The following PDK1 variants were observed in gnomAD, a reference collection of about 807,000 sequenced individuals.
PDK1 encodes [Pyruvate dehydrogenase (acetyl-transferring)] kinase isozyme 1, mitochondrial.
Under a neutral mutation model 54.2 loss-of-function variants are expected in PDK1, and 39 were observed. That is an observed-to-expected ratio of 0.72 (90% CI 0.56 to 0.94). The LOEUF is 0.94. Among genes scored for constraint, PDK1 ranks in the 40% least tolerant of loss-of-function variants. The pLI, the probability that PDK1 is intolerant of heterozygous loss-of-function variation, is 0.00. For synonymous variants in PDK1, 221 were observed against 207.1 expected (o/e 1.07, Z -0.58); for missense variants, 552 against 566.0 (o/e 0.98, Z 0.25).
the PDK1 span, among the ~76,000 whole-genome samples, chr2:172,658,259 C>T: frequency 6.6e-6 from 1 of 152,190 alleles, no homozygotes; most frequent in Non-Finnish European, 1.5e-5. Context: ...CTGGCTGGAG[C>T]CACAGCAGAG....
chr2:172,651,545 A>G, the PDK1 span, among the ~76,000 whole-genome samples: 4 of 152,200 alleles, frequency 2.6e-5, no homozygotes, highest in African/African-American at 9.7e-5. Flanking sequence ...TGGTTTTTTG[A>G]AAAGATCAAC....
chr2:172,606,333 TC>T lies in PDK1; in HGVS notation c.*10366del. 1 of 152,328 alleles carries T rather than the reference TC, an allele frequency of 6.6e-6. No homozygotes were observed. The highest frequency in any genetic ancestry group is 1.9e-4 in the East Asian group (1 of 5,188). The allele number at this position is 152,328 out of a possible 1,614,324, so 9.4% of individuals were successfully genotyped here. A position where few individuals can be genotyped will look rare whatever the true frequency, so the allele number is the denominator to read the frequency against. ...TTAGAACTTAATCAAACTCTTGGCA[TC>T]CACAGAAGGCTAGGAGGATGTAATG... is the stretch of plus-strand genomic sequence containing the variant. On this transcript the variant is annotated 3_prime_UTR_variant, in exon 11 of 11. Transcript: ENST00000282077.
intron 1 of PDK1, chr2:172,558,089 C>G (rs745829545): frequency 3.9e-5 from 6 of 152,320 alleles, no homozygotes; most frequent in Non-Finnish European, 8.8e-5. Flanking sequence ...CTCGGCCTCG[C>G]AAAGTGCTGG....
chr2:172,657,735 G>A, the PDK1 span, among the ~76,000 whole-genome samples: 3 of 152,192 alleles, frequency 2.0e-5, no homozygotes, highest in African/African-American at 7.2e-5. Context: ...ATGCCAGAAG[G>A]AAAGCATTAT....
At chr2:172,711,404 C>T in the PDK1 span, among the ~76,000 whole-genome samples, 1 of 152,154 alleles carries the variant, frequency 6.6e-6, no homozygotes, top group South Asian at 2.1e-4. Flanking sequence ...TTAGTACAAG[C>T]AGTTTAGGTC....
the PDK1 span, among the ~76,000 whole-genome samples, chr2:172,645,923 A>G: frequency 6.6e-6 from 1 of 152,264 alleles, no homozygotes; most frequent in South Asian, 2.1e-4. Context: ...CCTGATTTTT[A>G]AAACATTTCA....
chr2:172,572,246 C>A (rs535824130), intron 8 of PDK1, among the ~76,000 whole-genome samples: 1 of 152,250 alleles, frequency 6.6e-6, no homozygotes, highest in East Asian at 1.9e-4. Context: ...GCCAGTTTCC[C>A]TATACTATTA....
At chr2:172,573,217 G>C (rs373271077) in intron 8 of PDK1, among the ~76,000 whole-genome samples, 1 of 152,274 alleles carries the variant, frequency 6.6e-6, no homozygotes, top group East Asian at 1.9e-4. Flanking sequence ...AACAATGTGT[G>C]AAGGTTCCTG....
chr2:172,707,998 T>C, the PDK1 span, among the ~76,000 whole-genome samples: 1 of 152,062 alleles, frequency 6.6e-6, no homozygotes, highest in Non-Finnish European at 1.5e-5. Flanking sequence ...ACATGGAGGA[T>C]AAAACCATTT....
At chr2:172,680,585 C>G in the PDK1 span, among the ~76,000 whole-genome samples, 3 of 151,996 alleles carry the variant, frequency 2.0e-5, no homozygotes, top group African/African-American at 7.3e-5. Flanking sequence ...CCAGGCTGGT[C>G]TTGAACTCCA....
In PDK1 at chr2:172,595,251, G is replaced by A. The variant is rs116049483; in HGVS notation, c.1171-578G>A. Among the ~76,000 whole-genome samples the A allele has an allele frequency of 5.1e-3, 779 of 152,034 alleles. 9 individuals are homozygous for A. The highest frequency in any genetic ancestry group is 0.017 in the African/African-American group (711 of 41,458). On this transcript the variant is annotated intron_variant, in intron 10 of 10. Transcript: ENST00000282077. ...TGTCCAGCTGATATTTTTATTTTTT[G>A]TAGAGACAGGATCTTGCTATGTTGC...
the PDK1 span, among the ~76,000 whole-genome samples, chr2:172,690,664 C>T: frequency 7.4e-3 from 1,106 of 150,212 alleles, 35 homozygotes; most frequent in African/African-American, 0.026. Context: ...TGGAATACTA[C>T]GCAGCCACGA....
the PDK1 span, among the ~76,000 whole-genome samples, chr2:172,720,978 G>A: frequency 2.7e-4 from 41 of 152,168 alleles, 1 homozygote; most frequent in Non-Finnish European, 4.7e-4. Flanking sequence ...CTGTGAAGAC[G>A]ATCTTGTAAG....
the PDK1 span, among the ~76,000 whole-genome samples, chr2:172,646,897 C>G: frequency 1.3e-5 from 2 of 152,026 alleles, no homozygotes; most frequent in Non-Finnish European, 2.9e-5. Context: ...GCCACCATGT[C>G]TGGCTGATTT....
At chr2:172,672,083 G>A in the PDK1 span, among the ~76,000 whole-genome samples, 3 of 152,106 alleles carry the variant, frequency 2.0e-5, no homozygotes, top group African/African-American at 7.2e-5. Context: ...ACTTGACTTT[G>A]AAAGAGACAA....
chr2:172,642,662 T>A, the PDK1 span, among the ~76,000 whole-genome samples: 1 of 152,198 alleles, frequency 6.6e-6, no homozygotes, highest in African/African-American at 2.4e-5. Flanking sequence ...TCATAGAGAC[T>A]TCCTGACAGG....
the PDK1 span, among the ~76,000 whole-genome samples, chr2:172,722,083 G>A: frequency 2.6e-4 from 40 of 152,356 alleles, no homozygotes; most frequent in African/African-American, 8.7e-4. Context: ...AGCCACTCAC[G>A]TGGCATTCCT....
chr2:172,610,048 G>A (rs982574301), downstream of PDK1, among the ~76,000 whole-genome samples: 4 of 151,962 alleles, frequency 2.6e-5, no homozygotes, highest in Non-Finnish European at 5.9e-5. Context: ...TCTCAAACTC[G>A]TGACCTCAAG....
the PDK1 span, chr2:172,674,893 C>G: frequency 1.3e-5 from 2 of 152,244 alleles, no homozygotes; most frequent in African/African-American, 2.4e-5. Flanking sequence ...GGACAGCAGG[C>G]GGGGACTTCG....
Sources: gnomAD v4.1 joint callset for allele counts (sites outside exome capture counted in the v4.1 genomes callset) on GRCh38, gnomAD v4.1.1 for gene constraint, MANE v1.5 for transcripts, NCBI Gene and HGNC (gene_info 2026-07-23, HGNC 2026-07-21) for gene names.